CDKL3: variants seen among roughly 807,000 people sequenced by gnomAD.
CDKL3 encodes the protein cyclin dependent kinase like 3.
Under a neutral mutation model 69.3 loss-of-function variants are expected in CDKL3, and 65 were observed. That is an observed-to-expected ratio of 0.94 (90% CI 0.77 to 1.15). The LOEUF (loss-of-function observed/expected upper bound fraction) is 1.15, where lower values mean the gene tolerates loss of function less well. CDKL3 is among the 50% of genes most tolerant of loss of function. The probability of loss-of-function intolerance (pLI) is 0.00; values close to 1 mark genes in which losing one functional copy is unlikely to be tolerated. For synonymous variants in CDKL3, 202 were observed against 221.6 expected (o/e 0.91, Z 0.79); for missense variants, 652 against 689.2 (o/e 0.95, Z 0.61).
chr5:134,307,363 C>T (rs1014251118), intron 9 of CDKL3, among the ~76,000 whole-genome samples: 3 of 152,164 alleles, frequency 2.0e-5, no homozygotes, highest in Admixed American at 6.5e-5. Context: ...GTTACTGATA[C>T]CATGGTTTTG....
chr5:134,333,595 G>A (rs1325073379), intron 4 of CDKL3, among the ~76,000 whole-genome samples: 1 of 152,200 alleles, frequency 6.6e-6, no homozygotes, highest in Non-Finnish European at 1.5e-5. Context: ...CATTGGTTCT[G>A]TTTATGTGAT....
At chr5:134,299,461 T>A (rs1315040839) in intron 12 of CDKL3, 1 of 1,165,874 alleles carries the variant, frequency 8.6e-7, no homozygotes, top group Non-Finnish European at 1.1e-6. Flanking sequence ...TTTATTAGGA[T>A]GTACCAGTCA....
chr5:134,350,664 C>T (rs1191405866), intron 3 of CDKL3, among the ~76,000 whole-genome samples: 1 of 151,662 alleles, frequency 6.6e-6, no homozygotes, highest in Non-Finnish European at 1.5e-5. Context: ...AGGCAAATAA[C>T]ATTCCTGTAA....
chr5:134,328,728 C>T (rs938822627), intron 4 of CDKL3, among the ~76,000 whole-genome samples: 1 of 152,170 alleles, frequency 6.6e-6, no homozygotes, highest in African/African-American at 2.4e-5. Context: ...ACACATCATA[C>T]AAAACGAAAA....
chr5:134,350,261 G>C lies in CDKL3; in HGVS notation c.527C>G (p.Thr176Ser). The C allele has an allele frequency of 6.4e-7, 1 of 1,567,940 alleles. No individual in the cohort carries two copies. The highest frequency in any genetic ancestry group is 8.6e-7 in the Non-Finnish European group (1 of 1,158,376). ...YRAPELVLKD[T>S]SYGKPVDIWA... is the part of the protein sequence containing the mutation. The stretch of plus-strand genomic sequence containing the variant: ...AAAATACACATACTTTCCATAAGAA[G>C]TATCTTTTAATACTAATTCGGGAGC... Residue 176 changes from threonine (T) to serine (S), a missense_variant, in exon 4 of 13, where the codon ACT (threonine) becomes AGT (serine). Physicochemically the swap from Thr to Ser is moderately conservative, Grantham distance 58. Transcript: ENST00000265334.
intron 6 of CDKL3, 134 bp downstream of exon 6, chr5:134,319,224 G>A (rs1487309423): frequency 9.8e-6 from 6 of 611,146 alleles, no homozygotes; most frequent in Admixed American, 4.3e-5. Flanking sequence ...CCAACTACTC[G>A]GAAGGCTGAG....
chr5:134,304,310 T>TGAGGAAATGTATAGTAATACAATTA (rs1767161556), intron 11 of CDKL3, 95 bp downstream of exon 11: 1 of 997,818 alleles, frequency 1.0e-6, no homozygotes. Flanking sequence ...TTTACTATTT[T>TGAGGAAATGTATAGTAATACAATTA]CTACCTAAAT....
At chr5:134,285,672 C>A (rs1398381408), downstream of CDKL3, among the ~76,000 whole-genome samples, 1 of 152,264 alleles carries the variant, frequency 6.6e-6, no homozygotes, top group African/African-American at 2.4e-5. Flanking sequence ...TTGCAAATTT[C>A]TGCAGCTGGC....
chr5:134,359,881 A>T lies in CDKL3; in HGVS notation c.360+16T>A. 6.5e-7 allele frequency: 1 copy of T among 1,541,178 alleles called. No homozygotes were observed. Among genetic ancestry groups the T allele is most frequent in the Non-Finnish European group, 8.8e-7 (1 of 1,139,466 alleles). On this transcript the variant is annotated intron_variant, in intron 3 of 12. Coordinates refer to ENST00000265334, the MANE Select transcript of CDKL3 (RefSeq NM_001113575.2). ...TCATATTCATCCTACAAATTGGCTTATTCTGAAGCACTTACATTATTACTG... is the reference window on the plus strand; with the variant it reads ...TCATATTCATCCTACAAATTGGCTTTTTCTGAAGCACTTACATTATTACTG...
At chr5:134,314,018 G>A (rs1361108779) in intron 6 of CDKL3, among the ~76,000 whole-genome samples, 1 of 152,042 alleles carries the variant, frequency 6.6e-6, no homozygotes, top group Non-Finnish European at 1.5e-5. Flanking sequence ...GGTGGCACAT[G>A]CCTGTAATCC....
chr5:134,336,235 C>T (rs1406428375), intron 4 of CDKL3, among the ~76,000 whole-genome samples: 1 of 151,918 alleles, frequency 6.6e-6, no homozygotes, highest in African/African-American at 2.4e-5. Context: ...AACCTTTTTT[C>T]AAGGTTTTTA....
chr5:134,366,689 C>T, intron 1 of CDKL3, 145 bp from the exon 2 acceptor site: 1 of 696,708 alleles, frequency 1.4e-6, no homozygotes, highest in Non-Finnish European at 2.2e-6. Flanking sequence ...TCCACTGAGC[C>T]TTTTTGTCTT....
intron 7 of CDKL3, among the ~76,000 whole-genome samples, chr5:134,311,173 C>T (rs1769384257): frequency 6.6e-6 from 1 of 152,168 alleles, no homozygotes; most frequent in Admixed American, 6.5e-5. Context: ...TGGCACCTGT[C>T]TTCAGGGAAC....
Position 134,302,640 on chromosome 5 carries a change from A to T in CDKL3, c.1669T>A (p.Ser557Thr). The T allele has an allele frequency of 6.2e-7, 1 of 1,604,312 alleles. No homozygotes were observed. The highest frequency in any genetic ancestry group is 8.5e-7 in the Non-Finnish European group (1 of 1,175,340). Residue 557 changes from serine (S) to threonine (T), a missense_variant, in exon 12 of 13, where the codon TCT becomes ACT. Physicochemically the swap from Ser to Thr is moderately conservative, Grantham distance 58. Coordinates refer to ENST00000265334, the MANE Select transcript of CDKL3 (RefSeq NM_001113575.2). The stretch of plus-strand genomic sequence containing the variant: ...ACGTTAAGTAAAGTTGGTATCTTAG[A>T]TGACTCTGTTTTCTTTGACTCCCTC... ...LKRESKKTESSKIPTLLNVDQ... is the reference protein window; with the variant it reads ...LKRESKKTESTKIPTLLNVDQ...
At chr5:134,346,293 A>G (rs566261806) in intron 4 of CDKL3, among the ~76,000 whole-genome samples, 2 of 152,164 alleles carry the variant, frequency 1.3e-5, no homozygotes, top group Non-Finnish European at 2.9e-5. Flanking sequence ...CTTTTGCCCA[A>G]TCATGTTTCT....
intron 9 of CDKL3, 136 bp downstream of exon 9, chr5:134,308,002 G>T: frequency 7.5e-7 from 1 of 1,332,950 alleles, no homozygotes; most frequent in Non-Finnish European, 9.8e-7. Context: ...CTCAGTAAAT[G>T]GCCCATTATA....
At chr5:134,353,863 A>C (rs911694385) in intron 3 of CDKL3, among the ~76,000 whole-genome samples, 5 of 152,070 alleles carry the variant, frequency 3.3e-5, no homozygotes, top group Non-Finnish European at 5.9e-5. Context: ...TAGCCTGATC[A>C]TGTCACTTCT....
Position 134,302,594 on chromosome 5 carries a change from T to C in CDKL3, c.1715A>G (p.Gln572Arg), listed in dbSNP as rs762477442. 2 of 1,547,072 alleles carry C rather than the reference T, an allele frequency of 1.3e-6. No individual in the cohort carries two copies. The highest frequency in any genetic ancestry group is 2.3e-5 in the East Asian group (1 of 44,152). Residue 572 changes from glutamine to arginine, a missense_variant, in exon 12 of 13, where the codon CAA becomes CGA. Transcript: ENST00000265334. Reference sequence around the variant, plus strand: ...GCTATATACAAAAAGAGTTACCTCTTGTTTTTCTTGATTTTGATCCACGTT... The same window carrying C: ...GCTATATACAAAAAGAGTTACCTCTCGTTTTTCTTGATTTTGATCCACGTT... ...LLNVDQNQEKQEGGDGHCEGK... is the reference protein window; with the variant it reads ...LLNVDQNQEKREGGDGHCEGK...
At chr5:134,313,534 A>G (rs1001778270) in intron 6 of CDKL3, among the ~76,000 whole-genome samples, 1 of 152,158 alleles carries the variant, frequency 6.6e-6, no homozygotes, top group Non-Finnish European at 1.5e-5. Flanking sequence ...AATTTGTTTA[A>G]GATCTCATAA....
Sources: allele counts gnomAD v4.1 joint callset (sites outside exome capture counted in the v4.1 genomes callset), GRCh38; gene constraint gnomAD v4.1.1; transcripts MANE v1.5; gene names NCBI Gene and HGNC (gene_info 2026-07-23, HGNC 2026-07-21).